TNFRSF10D: variants seen among roughly 807,000 people sequenced by gnomAD.
TNFRSF10D encodes the protein TNF receptor superfamily member 10d, also known as tumor necrosis factor receptor superfamily member 10D.
In TNFRSF10D, 28 loss-of-function variants were observed where a neutral mutation model predicts 42.1. That is an observed-to-expected ratio of 0.66 (90% CI 0.49 to 0.91). The LOEUF (loss-of-function observed/expected upper bound fraction) is 0.91, where lower values mean the gene tolerates loss of function less well. Among genes scored for constraint, TNFRSF10D ranks in the 40% least tolerant of loss-of-function variants. TNFRSF10D has a pLI of 0.00. For synonymous variants in TNFRSF10D, 186 were observed against 189.4 expected (o/e 0.98, Z 0.15); for missense variants, 503 against 486.1 (o/e 1.03, Z -0.33).
chr8:23,153,264 C>G (rs1330681020), intron 2 of TNFRSF10D, among the ~76,000 whole-genome samples: 510 of 151,432 alleles, frequency 3.4e-3, no homozygotes, highest in African/African-American at 0.011. Flanking sequence ...AATTGTAAAA[C>G]TACTACAAGA....
At chr8:23,142,245 TG>T (rs1800036919) in intron 7 of TNFRSF10D, among the ~76,000 whole-genome samples, 2 of 151,098 alleles carry the variant, frequency 1.3e-5, no homozygotes, top group Non-Finnish European at 1.5e-5. Context: ...CACTCCAGCC[TG>T]GGTGACAGAG....
chr8:23,154,813 A>C, intron 2 of TNFRSF10D, 61 bp downstream of exon 2: 1 of 1,504,158 alleles, frequency 6.6e-7, no homozygotes, highest in Admixed American at 1.9e-5. Context: ...GTACACCATG[A>C]ATATATACAA....
chr8:23,143,062 C>T (rs897107956), intron 7 of TNFRSF10D, among the ~76,000 whole-genome samples: 3 of 151,186 alleles, frequency 2.0e-5, no homozygotes, highest in Admixed American at 6.6e-5. Flanking sequence ...CTGCAGGCTC[C>T]GCCTCACGGG....
chr8:23,138,022 T>C lies in TNFRSF10D; in HGVS notation c.1028-19A>G, dbSNP rs369799985. ...GTGCTGACTGAGAAGAGAGAAGAGA[T>C]TTAGGGTCTCAATGCTCCAAGGACG... On this transcript the variant is annotated intron_variant, in intron 8 of 8. Transcript: ENST00000312584. 4 of 1,613,458 alleles carry C rather than the reference T, an allele frequency of 2.5e-6. No homozygotes were observed. The African/African-American group carries it at 5.3e-5, about 22-fold the overall frequency.
intron 1 of TNFRSF10D, among the ~76,000 whole-genome samples, chr8:23,159,879 T>A (rs1290875928): frequency 6.6e-6 from 1 of 151,788 alleles, no homozygotes; most frequent in African/African-American, 2.4e-5. Context: ...AAAGAAGTCG[T>A]ACGTGCTTTT....
rs117658902 is a variant in TNFRSF10D at position 23,157,570 on chromosome 8, T to C, written c.151-2591A>G. Among the ~76,000 whole-genome samples the C allele has an allele frequency of 5.7e-3, 863 of 152,360 alleles. 1 individual carries two copies. The highest frequency in any genetic ancestry group is 9.1e-3 in the Non-Finnish European group (618 of 68,044). On this transcript the variant is annotated intron_variant, in intron 1 of 8. Transcript: ENST00000312584. ...ATGTCAGTTAAGTCAAGGTGGTTGA[T>C]AGTGTGCAGATCGCTTGCCACTTTA... is the stretch of plus-strand genomic sequence containing the variant.
At position 23,154,956 on chromosome 8, in the gene TNFRSF10D, G is replaced by C. The variant is rs1459531779; in HGVS notation, c.174C>G (p.Ile58Met). 6.2e-7 allele frequency: 1 copy of C among 1,612,876 alleles called. No individual in the cohort carries two copies. Among genetic ancestry groups the C allele is most frequent in the East Asian group, 2.2e-5 (1 of 44,774 alleles). Residue 58 changes from isoleucine (I) to methionine (M), a missense_variant, in exon 2 of 9, where the codon ATC (isoleucine) becomes ATG (methionine). Physicochemically the swap from Ile to Met is conservative, Grantham distance 10. Transcript: ENST00000312584. ...GCTGGGGAACTTCGTCCTGCCGGGG[G>C]ATGGTGGCAGAGTCAACCCGGACCT... ...LLPVRVDSATIPRQDEVPQQT... is the reference protein window; with the variant it reads ...LLPVRVDSATMPRQDEVPQQT...
chr8:23,138,358 C>T (rs1028378334), intron 7 of TNFRSF10D, 98 bp from the exon 8 acceptor site: 2 of 1,311,098 alleles, frequency 1.5e-6, no homozygotes, highest in Non-Finnish European at 2.2e-6. Context: ...GCAGCGCTTT[C>T]CCTCTTGGGT....
chr8:23,162,844 T>C lies in TNFRSF10D; in HGVS notation c.150+942A>G, dbSNP rs1800391736. Among the ~76,000 whole-genome samples, 3 of 152,196 alleles carry C rather than the reference T, an allele frequency of 2.0e-5. No homozygotes were observed. The South Asian group carries it at 6.2e-4, about 32-fold the overall frequency. On this transcript the variant is annotated intron_variant, in intron 1 of 8. Coordinates refer to ENST00000312584, the MANE Select transcript of TNFRSF10D (RefSeq NM_003840.5). ...GTTACAAAAAACAGCGTTGGAAAGCTTTTTCACAGGCTGTTTGTTAAACTG... is the reference window on the plus strand; with the variant it reads ...GTTACAAAAAACAGCGTTGGAAAGCCTTTTCACAGGCTGTTTGTTAAACTG...
At chr8:23,150,351 T>G (rs1056659620) in intron 2 of TNFRSF10D, among the ~76,000 whole-genome samples, 1 of 152,136 alleles carries the variant, frequency 6.6e-6, no homozygotes, top group Non-Finnish European at 1.5e-5. Flanking sequence ...CTGACCACCC[T>G]TGAACCACAC....
intron 1 of TNFRSF10D, 73 bp downstream of exon 1, chr8:23,163,712 GT>G (rs1800408861): frequency 6.4e-7 from 1 of 1,555,592 alleles, no homozygotes; most frequent in South Asian, 1.2e-5. Context: ...TCCCCACCGT[GT>G]CCCCCTCTCT....
At chr8:23,156,027 G>A (rs1263903496) in intron 1 of TNFRSF10D, among the ~76,000 whole-genome samples, 2 of 152,088 alleles carry the variant, frequency 1.3e-5, no homozygotes, top group African/African-American at 4.8e-5. Flanking sequence ...AGGGATTATG[G>A]CCATGATCTC....
rs1015441858 is a variant in TNFRSF10D at position 23,164,003 on chromosome 8, G to A, written c.-68C>T. 2.7e-6 allele frequency: 4 copies of A among 1,476,668 alleles called. No individual in the cohort carries two copies. In the East Asian group the frequency reaches 7.7e-5, roughly 28 times the overall value. 91.5% of individuals were successfully genotyped at this position (1,476,668 alleles called of 1,614,324 possible). A position where few individuals can be genotyped will look rare whatever the true frequency, so the allele number is the denominator to read the frequency against. On this transcript the variant is annotated 5_prime_UTR_variant, in exon 1 of 9. The change creates a new upstream start codon in the 5' untranslated region. Coordinates refer to ENST00000312584, the MANE Select transcript of TNFRSF10D (RefSeq NM_003840.5). ...GAAATCGTCCCCGTAGTTTGTGCGC[G>A]TGCAAAGGTTCTCGCAGCTACACTG... is the stretch of plus-strand genomic sequence containing the variant.
intron 2 of TNFRSF10D, among the ~76,000 whole-genome samples, chr8:23,153,492 T>C (rs1217078416): frequency 1.3e-5 from 2 of 152,206 alleles, no homozygotes; most frequent in East Asian, 3.9e-4. Context: ...ACATCCAAAA[T>C]ACACAGGAAC....
intron 2 of TNFRSF10D, among the ~76,000 whole-genome samples, chr8:23,150,176 G>A (rs78427562): frequency 0.018 from 2,784 of 151,128 alleles, 85 homozygotes; most frequent in African/African-American, 0.065. Flanking sequence ...CCTAGTGCCA[G>A]GTCAGTCCCC....
Position 23,138,000 on chromosome 8 carries a change from C to T in TNFRSF10D, c.1031G>A (p.Ser344Asn). ...TGTTGCCGAGGCATCCAGCAAGGTGCTGACTGAGAAGAGAGAAGAGATTTA... is the reference window on the plus strand; with the variant it reads ...TGTTGCCGAGGCATCCAGCAAGGTGTTGACTGAGAAGAGAGAAGAGATTTA... ...PVNDADSADI[S>N]TLLDASATLE... The change falls in exon 9 of 9, where the codon AGC becomes AAC. Residue 344 changes from serine (S) to asparagine (N), a missense_variant. Ser to Asn is a conservative substitution (Grantham distance 46). Coordinates refer to ENST00000312584, the MANE Select transcript of TNFRSF10D (RefSeq NM_003840.5). The T allele has an allele frequency of 6.2e-7, 1 of 1,614,038 alleles. No homozygotes were observed. The highest frequency in any genetic ancestry group is 8.5e-7 in the Non-Finnish European group (1 of 1,179,956).
chr8:23,151,408 G>T (rs1310369323), intron 2 of TNFRSF10D, among the ~76,000 whole-genome samples: 3 of 150,964 alleles, frequency 2.0e-5, no homozygotes, highest in Admixed American at 6.6e-5. Flanking sequence ...AAATGTTAAA[G>T]AGAGTTATTC....
At chr8:23,159,491 C>A (rs540925357) in intron 1 of TNFRSF10D, among the ~76,000 whole-genome samples, 3 of 152,302 alleles carry the variant, frequency 2.0e-5, no homozygotes, top group African/African-American at 7.2e-5. Flanking sequence ...AGCTTCTTCA[C>A]AAGTTACTTG....
At chr8:23,144,980 G>A in intron 6 of TNFRSF10D, 78 bp downstream of exon 6, 1 of 1,593,690 alleles carries the variant, frequency 6.3e-7, no homozygotes, top group Middle Eastern at 1.7e-4. Flanking sequence ...AAGGGATTGT[G>A]CCCACCCAGG....
Sources: allele counts gnomAD v4.1 joint callset (sites outside exome capture counted in the v4.1 genomes callset), GRCh38; gene constraint gnomAD v4.1.1; transcripts MANE v1.5; gene names NCBI Gene and HGNC (gene_info 2026-07-23, HGNC 2026-07-21).